PTPRE: variants seen among roughly 807,000 people sequenced by gnomAD.
PTPRE encodes the protein receptor-type tyrosine-protein phosphatase epsilon.
PTPRE carries 51 observed loss-of-function variants against 102.0 expected under a neutral mutation model. That is an observed-to-expected ratio of 0.50 (90% CI 0.40 to 0.63). The LOEUF (loss-of-function observed/expected upper bound fraction) is 0.63, where lower values mean the gene tolerates loss of function less well. Ranked by LOEUF, PTPRE falls within the 30% of genes least tolerant of loss-of-function variation. PTPRE has a pLI of 0.00. For missense variants in PTPRE, 752 were observed against 915.1 expected, an observed-to-expected ratio of 0.82 and a Z score of 2.30; for synonymous variants, 345 against 348.2, an observed-to-expected ratio of 0.99 and a Z score of 0.10.
chr10:128,080,895 G>T (rs1218936760), intron 20 of PTPRE, among the ~76,000 whole-genome samples: 1 of 152,228 alleles, frequency 6.6e-6, no homozygotes, highest in Non-Finnish European at 1.5e-5. Context: ...ACCATCAGGC[G>T]TTGGGCGCAG....
At chr10:127,993,305 G>A (rs1408655533) in intron 2 of PTPRE, among the ~76,000 whole-genome samples, 1 of 152,200 alleles carries the variant, frequency 6.6e-6, no homozygotes, top group Non-Finnish European at 1.5e-5. Flanking sequence ...CGCGCTATCA[G>A]AGAGTGCATG....
intron 1 of PTPRE, among the ~76,000 whole-genome samples, chr10:127,935,723 G>T (rs960338323): frequency 6.6e-6 from 1 of 152,070 alleles, no homozygotes; most frequent in Non-Finnish European, 1.5e-5. Context: ...CCTCCCTGAG[G>T]GCTGCCGTGT....
chr10:128,027,129 A>C (rs1846343592), intron 2 of PTPRE, among the ~76,000 whole-genome samples: 1 of 152,258 alleles, frequency 6.6e-6, no homozygotes, highest in Non-Finnish European at 1.5e-5. Flanking sequence ...AGAGGGTATT[A>C]GCAGGCAATG....
chr10:127,922,133 G>A (rs1846648331), intron 1 of PTPRE, among the ~76,000 whole-genome samples: 1 of 152,254 alleles, frequency 6.6e-6, no homozygotes, highest in Non-Finnish European at 1.5e-5. Context: ...CTGATGTTGG[G>A]ATGTCAGGCA....
At chr10:127,981,974 C>T (rs952676409) in intron 1 of PTPRE, among the ~76,000 whole-genome samples, 1 of 152,058 alleles carries the variant, frequency 6.6e-6, no homozygotes, top group Non-Finnish European at 1.5e-5. Context: ...GGGAGGGAAC[C>T]CTATAGGCCA....
intron 2 of PTPRE, among the ~76,000 whole-genome samples, chr10:128,038,062 A>C (rs1363169975): frequency 6.6e-6 from 1 of 151,612 alleles, no homozygotes; most frequent in African/African-American, 2.4e-5. Flanking sequence ...CGGCCTCTCA[A>C]AATACTGGGA....
In PTPRE at chr10:128,008,450, C is replaced by T. The variant is rs1320064505; in HGVS notation, c.-8+26154C>T. 6.6e-6 allele frequency among the ~76,000 whole-genome samples: 1 copy of T among 152,174 alleles called. No homozygotes were observed. Among genetic ancestry groups the T allele is most frequent in the East Asian group, 1.9e-4 (1 of 5,194 alleles). On this transcript the variant is annotated intron_variant, in intron 2 of 20. Transcript: ENST00000254667. This position sits in a 1 kb window ranked among gnomAD's most constrained non-coding sequence, Gnocchi z 4.0. Reference sequence around the variant, plus strand: ...GATGCTTAGCAAAAGTTTCAGTAGCCAGGGATAATGTCAAACAGCCAGTCC... The same window carrying T: ...GATGCTTAGCAAAAGTTTCAGTAGCTAGGGATAATGTCAAACAGCCAGTCC...
intron 1 of PTPRE, among the ~76,000 whole-genome samples, chr10:127,925,008 C>T (rs1239507323): frequency 6.6e-6 from 1 of 152,222 alleles, no homozygotes; most frequent in Non-Finnish European, 1.5e-5. Flanking sequence ...ACTCAATCTT[C>T]AGCACAGTCT....
intron 12 of PTPRE, 22 bp from the exon 13 acceptor site, chr10:128,069,670 G>A (rs1850592795): frequency 6.2e-7 from 1 of 1,613,494 alleles, no homozygotes; most frequent in Non-Finnish European, 8.5e-7. Context: ...TCACGACGCA[G>A]CATCTTTCTC....
At chr10:127,914,574 TC>T (rs1846083104) in intron 1 of PTPRE, among the ~76,000 whole-genome samples, 1 of 152,188 alleles carries the variant, frequency 6.6e-6, no homozygotes, top group Non-Finnish European at 1.5e-5. Flanking sequence ...AAGTAAATCC[TC>T]CCTATGGAAT....
intron 2 of PTPRE, among the ~76,000 whole-genome samples, chr10:128,016,940 A>T (rs1365133269): frequency 1.3e-5 from 2 of 152,194 alleles, no homozygotes; most frequent in Non-Finnish European, 2.9e-5. Context: ...GGGTCCTGTG[A>T]GGTCCCTCCC....
chr10:127,955,343 A>G (rs1221311432), intron 1 of PTPRE, among the ~76,000 whole-genome samples: 1 of 152,044 alleles, frequency 6.6e-6, no homozygotes, highest in Non-Finnish European at 1.5e-5. Flanking sequence ...CACACATAAA[A>G]TCATGACCAG....
At chr10:127,969,465 C>T (rs1487913858) in intron 1 of PTPRE, among the ~76,000 whole-genome samples, 1 of 152,006 alleles carries the variant, frequency 6.6e-6, no homozygotes, top group Non-Finnish European at 1.5e-5. Flanking sequence ...GCCAAGAGTC[C>T]CAGACTACCC....
At chr10:127,958,401 T>A (rs749549205) in intron 1 of PTPRE, among the ~76,000 whole-genome samples, 1 of 152,230 alleles carries the variant, frequency 6.6e-6, no homozygotes, top group Non-Finnish European at 1.5e-5. Context: ...GTTTTCATCA[T>A]GAGTCAGTTT....
chr10:127,913,383 A>G (rs1845998225), intron 1 of PTPRE, among the ~76,000 whole-genome samples: 1 of 152,208 alleles, frequency 6.6e-6, no homozygotes, highest in South Asian at 2.1e-4. Context: ...CCAGCTGAAC[A>G]TTAGTCACCA....
Position 127,907,619 on chromosome 10 carries a change from G to A in PTPRE, c.-31+310G>A, listed in dbSNP as rs1254655644. ...AGGAGGAGGGCGCGCGTGTCTGCGGGTGGCTACAGTGCGCGGGGGCCGGCG... is the reference window on the plus strand; with the variant it reads ...AGGAGGAGGGCGCGCGTGTCTGCGGATGGCTACAGTGCGCGGGGGCCGGCG... On this transcript the variant is annotated intron_variant, in intron 1 of 20. Coordinates refer to ENST00000254667, the MANE Select transcript of PTPRE (RefSeq NM_006504.6). The surrounding 1 kb of genome is among the most constrained non-coding windows in gnomAD (Gnocchi z 4.8). 6.6e-6 allele frequency among the ~76,000 whole-genome samples: 1 copy of A among 152,128 alleles called. No homozygotes were observed. Among genetic ancestry groups the A allele is most frequent in the Non-Finnish European group, 1.5e-5 (1 of 68,006 alleles).
chr10:128,003,339 GA>G (rs951457290), intron 2 of PTPRE, among the ~76,000 whole-genome samples: 3 of 150,760 alleles, frequency 2.0e-5, no homozygotes, highest in Non-Finnish European at 3.0e-5. Flanking sequence ...ATTTCACTGG[GA>G]AAAAAAAATT....
chr10:128,049,811 C>A (rs1848409609), intron 6 of PTPRE, 145 bp downstream of exon 6: 1 of 1,199,332 alleles, frequency 8.3e-7, no homozygotes, highest in Non-Finnish European at 1.2e-6. Context: ...TGTGAGGAAA[C>A]CTGGTGTGTG....
chr10:128,021,737 C>T (rs1845907154), intron 2 of PTPRE, among the ~76,000 whole-genome samples: 2 of 152,208 alleles, frequency 1.3e-5, no homozygotes, highest in South Asian at 4.1e-4. Flanking sequence ...CAGCAGGTCA[C>T]GGGACCACAG....
Sources: gnomAD v4.1 joint callset for allele counts (sites outside exome capture counted in the v4.1 genomes callset) on GRCh38, gnomAD v4.1.1 for gene constraint, Gnocchi (gnomAD v3.1) non-coding constraint, MANE v1.5 for transcripts, NCBI Gene and HGNC (gene_info 2026-07-23, HGNC 2026-07-21) for gene names.